Variants in OR1F1 observed in about 807,000 individuals in gnomAD.
The protein encoded by OR1F1 is olfactory receptor 1F1.
For synonymous variants in OR1F1, 184 were observed against 156.7 expected (o/e 1.17, Z -1.30); for missense variants, 493 against 376.3 (o/e 1.31, Z -2.57).
chr16:3,194,003 C>T, the OR1F1 span, among the ~76,000 whole-genome samples: 1 of 152,130 alleles, frequency 6.6e-6, no homozygotes, highest in African/African-American at 2.4e-5. Context: ...ACAACACCGA[C>T]CGTAGGTGAC....
chr16:3,189,761 T>C, the OR1F1 span: 1 of 151,974 alleles, frequency 6.6e-6, no homozygotes, highest in South Asian at 2.1e-4. Flanking sequence ...TCGGCTCGAC[T>C]TACAGACCTC....
At chr16:3,204,257 C>A in exon 1 of OR1F1, 1 of 1,605,584 alleles carries the variant, frequency 6.2e-7, no homozygotes, top group Non-Finnish European at 8.5e-7. Flanking sequence ...ATGAGCGGGA[C>A]AAACCAGTCG....
the OR1F1 span, among the ~76,000 whole-genome samples, chr16:3,198,043 GGGAGAA>G: frequency 3.6e-5 from 5 of 140,842 alleles, no homozygotes; most frequent in African/African-American, 1.4e-4. Context: ...GAGAGGGAGA[GGGAGAA>G]GGAGAGGGAG....
chr16:3,206,501 GGCTCAGGTGGGTCCT>G (rs1053551885), downstream of OR1F1, among the ~76,000 whole-genome samples: 1 of 152,078 alleles, frequency 6.6e-6, no homozygotes, highest in African/African-American at 2.4e-5. Context: ...CTGGTTTTGC[GGCTCAGGTGGGTCCT>G]ACCAATATGG....
the OR1F1 span, chr16:3,191,333 G>A: frequency 2.0e-5 from 3 of 152,226 alleles, no homozygotes; most frequent in Non-Finnish European, 4.4e-5. Context: ...GGAGATCGCA[G>A]AGCGGTGAGC....
At chr16:3,201,629 C>A (rs541447058), upstream of OR1F1, among the ~76,000 whole-genome samples, 12 of 152,282 alleles carry the variant, frequency 7.9e-5, no homozygotes, top group African/African-American at 2.9e-4. Context: ...TGAGAGTACT[C>A]TGTTCTTCCA....
At chr16:3,203,044 G>A (rs1377806636), upstream of OR1F1, among the ~76,000 whole-genome samples, 1 of 152,166 alleles carries the variant, frequency 6.6e-6, no homozygotes, top group Admixed American at 6.5e-5. Context: ...ATACAGGGTC[G>A]TGAGTTTCCT....
upstream of OR1F1, among the ~76,000 whole-genome samples, chr16:3,202,206 G>A (rs1958142591): frequency 1.3e-5 from 2 of 152,174 alleles, no homozygotes; most frequent in Admixed American, 6.5e-5. Flanking sequence ...CTGCTAGTCT[G>A]GAAGGATGTG....
chr16:3,206,199 G>C (rs1485942649), downstream of OR1F1, among the ~76,000 whole-genome samples: 3 of 152,264 alleles, frequency 2.0e-5, no homozygotes, highest in East Asian at 5.8e-4. Context: ...AGTACCCTCA[G>C]GCTTATTAGT....
chr16:3,190,835 C>T, the OR1F1 span, among the ~76,000 whole-genome samples: 5 of 149,698 alleles, frequency 3.3e-5, no homozygotes, highest in South Asian at 2.1e-4. Flanking sequence ...AAATTGCAAA[C>T]ATTTTGGATG....
the OR1F1 span, chr16:3,191,200 T>A: frequency 5.9e-5 from 9 of 152,172 alleles, no homozygotes; most frequent in Admixed American, 5.9e-4. Context: ...CTCTTTTAGG[T>A]GCGTGCAGTG....
the OR1F1 span, among the ~76,000 whole-genome samples, chr16:3,193,473 G>A: frequency 6.6e-6 from 1 of 152,270 alleles, no homozygotes; most frequent in Non-Finnish European, 1.5e-5. Flanking sequence ...AACCACGCGG[G>A]AGAGGATAGC....
chr16:3,202,310 A>T (rs912642965), upstream of OR1F1, among the ~76,000 whole-genome samples: 1 of 152,176 alleles, frequency 6.6e-6, no homozygotes. Context: ...AGTGAGATAG[A>T]GAAATACAGG....
the OR1F1 span, among the ~76,000 whole-genome samples, chr16:3,195,568 G>A: frequency 3.9e-4 from 59 of 151,728 alleles, no homozygotes; most frequent in African/African-American, 1.4e-3. Context: ...TGTAATCCCA[G>A]CTACTCGGGA....
chr16:3,206,138 G>T (rs1169958765), downstream of OR1F1, among the ~76,000 whole-genome samples: 1 of 152,186 alleles, frequency 6.6e-6, no homozygotes, highest in Non-Finnish European at 1.5e-5. Flanking sequence ...CTCTGGGAGA[G>T]TCTGTCTTAT....
At chr16:3,199,173 T>C in the OR1F1 span, among the ~76,000 whole-genome samples, 9 of 139,768 alleles carry the variant, frequency 6.4e-5, no homozygotes, top group East Asian at 2.0e-3. Flanking sequence ...CATAGTGGCA[T>C]GTGTCTGTAG....
exon 1 of OR1F1, chr16:3,204,417 C>T (rs749787550): frequency 2.5e-6 from 4 of 1,614,002 alleles, no homozygotes; most frequent in South Asian, 2.2e-5. Context: ...GCCTGCACAC[C>T]CCCATGTACT....
At chr16:3,205,698 C>G (rs1280603021), downstream of OR1F1, among the ~76,000 whole-genome samples, 2 of 152,168 alleles carry the variant, frequency 1.3e-5, no homozygotes, top group African/African-American at 2.4e-5. Flanking sequence ...TGAACATAAG[C>G]TGTGAAGATT....
At chr16:3,194,758 T>A in the OR1F1 span, among the ~76,000 whole-genome samples, 1 of 152,170 alleles carries the variant, frequency 6.6e-6, no homozygotes, top group Admixed American at 6.5e-5. Context: ...GAATTGGAAG[T>A]GAGGTGGGCA....
Sources: allele counts gnomAD v4.1 joint callset (sites outside exome capture counted in the v4.1 genomes callset), GRCh38; gene constraint gnomAD v4.1.1; transcripts MANE v1.5; gene names NCBI Gene and HGNC (gene_info 2026-07-23, HGNC 2026-07-21).